Variants in ZFYVE9 observed in about 807,000 individuals in gnomAD.
The protein encoded by ZFYVE9 is zinc finger FYVE-type containing 9, also known as zinc finger FYVE domain-containing protein 9.
ZFYVE9 carries 43 observed loss-of-function variants against 126.7 expected under a neutral mutation model. The ratio of observed to expected loss-of-function variants is 0.34; its 90% CI spans 0.27 to 0.44. The LOEUF (loss-of-function observed/expected upper bound fraction) is 0.44, where lower values mean the gene tolerates loss of function less well. Ranked by LOEUF, ZFYVE9 falls within the 20% of genes least tolerant of loss-of-function variation. ZFYVE9 has a pLI of 1.00. For missense variants in ZFYVE9, 1,476 were observed against 1,697.0 expected (o/e 0.87, Z 2.29); for synonymous variants, 521 against 597.4 (o/e 0.87, Z 1.87).
intron 2 of ZFYVE9, among the ~76,000 whole-genome samples, chr1:52,219,826 G>A (rs908433025): frequency 1.6e-4 from 24 of 147,280 alleles, no homozygotes; most frequent in Admixed American, 8.2e-4. Context: ...TCTGTCGCCC[G>A]GGCTGGAGTG....
chr1:52,338,120 G>T (rs182982711), intron 16 of ZFYVE9, among the ~76,000 whole-genome samples, 186 bp downstream of exon 16: 2 of 152,162 alleles, frequency 1.3e-5, no homozygotes, highest in Non-Finnish European at 2.9e-5. Flanking sequence ...AGGAGTTTCT[G>T]TATGTATTTT....
intron 13 of ZFYVE9, among the ~76,000 whole-genome samples, chr1:52,309,129 A>T (rs1646113799): frequency 6.6e-6 from 1 of 152,202 alleles, no homozygotes; most frequent in Non-Finnish European, 1.5e-5. Context: ...TGTTCACCAA[A>T]TAACTAGATG....
intron 1 of ZFYVE9, among the ~76,000 whole-genome samples, chr1:52,171,393 A>G (rs1049632345): frequency 3.3e-5 from 5 of 152,118 alleles, no homozygotes; most frequent in Admixed American, 6.6e-5. Context: ...TTAATCCACT[A>G]TATCATTGTT....
At chr1:52,146,680 T>C (rs1358516442) in intron 1 of ZFYVE9, among the ~76,000 whole-genome samples, 4 of 152,148 alleles carry the variant, frequency 2.6e-5, no homozygotes. Flanking sequence ...CTCTGAGTTT[T>C]GAAAAAAAGA....
chr1:52,297,112 C>T (rs1557506747), intron 12 of ZFYVE9, among the ~76,000 whole-genome samples: 1 of 152,094 alleles, frequency 6.6e-6, no homozygotes, highest in Non-Finnish European at 1.5e-5. Flanking sequence ...AGCTGCAAAG[C>T]TCATTGTTTT....
intron 1 of ZFYVE9, among the ~76,000 whole-genome samples, chr1:52,155,436 G>T (rs1222624137): frequency 2.6e-5 from 4 of 151,968 alleles, no homozygotes; most frequent in African/African-American, 9.7e-5. Flanking sequence ...GGGTTTCACT[G>T]TGTTAGCCAG....
At chr1:52,269,805 T>A (rs1645671116) in intron 7 of ZFYVE9, among the ~76,000 whole-genome samples, 1 of 151,926 alleles carries the variant, frequency 6.6e-6, no homozygotes, top group African/African-American at 2.4e-5. Flanking sequence ...TTTTTTTTTT[T>A]GAGACAAGGT....
chr1:52,316,165 CAAAAAAAAAAAAAA>C (rs367815611), intron 13 of ZFYVE9, among the ~76,000 whole-genome samples: 1 of 39,212 alleles, frequency 2.6e-5, no homozygotes, highest in Non-Finnish European at 4.3e-5. Context: ...AACTCCATCT[CAAAAAAAAAAAAAA>C]AAAAAAAAAA....
At chr1:52,307,989 T>G (rs1646101695) in intron 13 of ZFYVE9, among the ~76,000 whole-genome samples, 1 of 152,130 alleles carries the variant, frequency 6.6e-6, no homozygotes, top group African/African-American at 2.4e-5. Context: ...CCTGACCTCG[T>G]GATCCACCCA....
At chr1:52,241,460 C>CT (rs1645333396) in intron 4 of ZFYVE9, among the ~76,000 whole-genome samples, 1 of 152,158 alleles carries the variant, frequency 6.6e-6, no homozygotes, top group Admixed American at 6.5e-5. Context: ...ATTTTGCTTA[C>CT]TGTAACACTT....
chr1:52,300,781 A>G (rs1646025586), intron 12 of ZFYVE9, among the ~76,000 whole-genome samples: 1 of 150,518 alleles, frequency 6.6e-6, no homozygotes, highest in Non-Finnish European at 1.5e-5. Flanking sequence ...TTCTAACAAC[A>G]TCTTTATTTG....
chr1:52,248,638 G>A (rs145136061), intron 4 of ZFYVE9, among the ~76,000 whole-genome samples: 8 of 152,296 alleles, frequency 5.3e-5, no homozygotes, highest in African/African-American at 9.6e-5. Flanking sequence ...TTGTATGTAT[G>A]TACCACATTT....
intron 15 of ZFYVE9, among the ~76,000 whole-genome samples, chr1:52,336,375 T>TG (rs1557526157): frequency 7.2e-6 from 1 of 138,990 alleles, no homozygotes; most frequent in South Asian, 2.3e-4. Flanking sequence ...TTTGTTTTTT[T>TG]TTTTTTTTTT....
chr1:52,176,068 C>CA (rs1385630780), intron 1 of ZFYVE9, among the ~76,000 whole-genome samples: 23 of 152,234 alleles, frequency 1.5e-4, no homozygotes, highest in African/African-American at 5.5e-4. Context: ...GGAGGAGAGA[C>CA]ACGCTGCTTT....
intron 4 of ZFYVE9, among the ~76,000 whole-genome samples, chr1:52,251,022 C>A (rs1049670728): frequency 2.8e-5 from 4 of 142,660 alleles, no homozygotes; most frequent in African/African-American, 1.1e-4. Context: ...AGTTTTCAGT[C>A]GTTTTTGTTG....
At chr1:52,256,184 G>T (rs1645517452) in intron 4 of ZFYVE9, among the ~76,000 whole-genome samples, 1 of 151,608 alleles carries the variant, frequency 6.6e-6, no homozygotes, top group African/African-American at 2.4e-5. Flanking sequence ...TCCTGCCTCA[G>T]CCTCCCAAGT....
At chr1:52,179,897 G>T (rs752169587) in intron 1 of ZFYVE9, 64 of 913,528 alleles carry the variant, frequency 7.0e-5, no homozygotes, top group Non-Finnish European at 1.1e-4. Context: ...ACACAAAAAG[G>T]GCATCTTAAA....
At chr1:52,217,057 C>A (rs919206083) in intron 2 of ZFYVE9, among the ~76,000 whole-genome samples, 4 of 151,952 alleles carry the variant, frequency 2.6e-5, no homozygotes, top group East Asian at 3.9e-4. Flanking sequence ...CCAAAAGAAA[C>A]CCGCACTTAG....
intron 4 of ZFYVE9, among the ~76,000 whole-genome samples, chr1:52,260,797 AC>A (rs1645571647): frequency 1.3e-5 from 2 of 152,168 alleles, no homozygotes; most frequent in Non-Finnish European, 2.9e-5. Flanking sequence ...AGCCTGGGCG[AC>A]AGAGCAAGAC....
Sources: gnomAD v4.1 joint callset for allele counts (sites outside exome capture counted in the v4.1 genomes callset) on GRCh38, gnomAD v4.1.1 for gene constraint, MANE v1.5 for transcripts, NCBI Gene and HGNC (gene_info 2026-07-23, HGNC 2026-07-21) for gene names.